The following ARHGEF3 variants were observed in gnomAD, a reference collection of about 807,000 sequenced individuals.
ARHGEF3 encodes the protein Rho guanine nucleotide exchange factor 3.
A neutral mutation model predicts 63.2 loss-of-function variants in ARHGEF3; 28 were observed. That is an observed-to-expected ratio of 0.44 (90% CI 0.33 to 0.61). The LOEUF (loss-of-function observed/expected upper bound fraction) is 0.61, where lower values mean the gene tolerates loss of function less well. Among genes scored for constraint, ARHGEF3 ranks in the 20% least tolerant of loss-of-function variants. The pLI is 0.03. For synonymous variants in ARHGEF3, 266 were observed against 254.2 expected, an observed-to-expected ratio of 1.05 and a Z score of -0.44; for missense variants, 533 against 659.3, an observed-to-expected ratio of 0.81 and a Z score of 2.10.
intron 1 of ARHGEF3, among the ~76,000 whole-genome samples, chr3:57,065,655 C>T (rs1031797181): frequency 2.0e-5 from 3 of 152,130 alleles, no homozygotes; most frequent in Admixed American, 6.5e-5. Flanking sequence ...TGTTTAATGT[C>T]TTCCAAATAC....
chr3:56,950,119 CA>C (rs1699728598), intron 3 of ARHGEF3, among the ~76,000 whole-genome samples: 1 of 151,966 alleles, frequency 6.6e-6, no homozygotes, highest in Admixed American at 6.6e-5. Flanking sequence ...ACACCTTATA[CA>C]AAAATTAATT....
At chr3:56,791,012 C>T (rs2037051711) in intron 1 of ARHGEF3, among the ~76,000 whole-genome samples, 2 of 152,012 alleles carry the variant, frequency 1.3e-5, no homozygotes, top group South Asian at 2.1e-4. Flanking sequence ...ATGGTATCTA[C>T]AGAAAGAGTG....
At chr3:56,838,398 T>G (rs2039192833) in intron 4 of ARHGEF3, among the ~76,000 whole-genome samples, 1 of 152,210 alleles carries the variant, frequency 6.6e-6, no homozygotes, top group African/African-American at 2.4e-5. Flanking sequence ...TTCTATCACT[T>G]AAATTATTAT....
intron 4 of ARHGEF3, among the ~76,000 whole-genome samples, chr3:56,853,933 C>T (rs767968583): frequency 3.3e-5 from 5 of 152,148 alleles, no homozygotes; most frequent in African/African-American, 9.7e-5. Flanking sequence ...TAGTGGCTCA[C>T]GCCTGTAATC....
chr3:56,885,121 T>C (rs1367128578), intron 3 of ARHGEF3, among the ~76,000 whole-genome samples: 1 of 152,122 alleles, frequency 6.6e-6, no homozygotes, highest in East Asian at 1.9e-4. Context: ...GTGATCACAA[T>C]CAGCAACACG....
At chr3:57,051,400 T>C (rs996836038) in intron 1 of ARHGEF3, among the ~76,000 whole-genome samples, 2 of 151,960 alleles carry the variant, frequency 1.3e-5, no homozygotes, top group African/African-American at 4.8e-5. Flanking sequence ...GGCAGGAGAA[T>C]GGCTTGAACC....
At position 56,860,818 on chromosome 3, in the gene ARHGEF3, G is replaced by A. The variant is rs1308373248; in HGVS notation, c.192+21474C>T. Reference sequence around the variant, plus strand: ...TAAAAAGATCTGCCTAATGGTTGGTGGGGGATGACGTGATTAATACGTGCC... The same window carrying A: ...TAAAAAGATCTGCCTAATGGTTGGTAGGGGATGACGTGATTAATACGTGCC... On this transcript the variant is annotated intron_variant, in intron 4 of 12. Coordinates refer to the ARHGEF3 transcript ENST00000338458. 4.6e-5 allele frequency among the ~76,000 whole-genome samples: 7 copies of A among 152,204 alleles called. No individual in the cohort carries two copies. In the East Asian group the frequency reaches 1.3e-3, roughly 29 times the overall value.
At chr3:56,971,449 C>G (rs144763472) in intron 2 of ARHGEF3, among the ~76,000 whole-genome samples, 106 of 152,238 alleles carry the variant, frequency 7.0e-4, no homozygotes, top group African/African-American at 2.5e-3. Flanking sequence ...TCAGTCTGGT[C>G]TGGAGCTGTC....
At chr3:56,893,367 T>C (rs1340066744) in intron 3 of ARHGEF3, among the ~76,000 whole-genome samples, 3 of 152,156 alleles carry the variant, frequency 2.0e-5, no homozygotes, top group Non-Finnish European at 4.4e-5. Flanking sequence ...TATGTAGAGA[T>C]AGGATCTGTT....
rs186850814 is a variant in ARHGEF3, at chr3:56,919,505, T to C, written c.130-37151A>G. ...TGACCTCTTACTGCAGAGCATGCTA[T>C]GGTATGGAAGGAAATTAACTCATTT... On this transcript the variant is annotated intron_variant, in intron 3 of 12. Transcript: ENST00000338458. 2.6e-4 allele frequency among the ~76,000 whole-genome samples: 40 copies of C among 152,362 alleles called. No individual in the cohort carries two copies. The South Asian group carries it at 3.7e-3, about 14-fold the overall frequency.
intron 3 of ARHGEF3, among the ~76,000 whole-genome samples, chr3:56,934,227 A>C (rs926298713): frequency 6.6e-6 from 1 of 152,252 alleles, no homozygotes; most frequent in Non-Finnish European, 1.5e-5. Flanking sequence ...CTGCTGAGTG[A>C]ATATAGCATA....
Position 56,845,834 on chromosome 3 carries a change from T to C in ARHGEF3, c.192+36458A>G, listed in dbSNP as rs150727440. Among the ~76,000 whole-genome samples, 1,001 of 152,222 alleles carry C rather than the reference T, an allele frequency of 6.6e-3. 7 individuals carry two copies. Among genetic ancestry groups the C allele is most frequent in the African/African-American group, 0.023 (939 of 41,534 alleles). ...CAGGTTTGTTGAATGAATAAAGAAA[T>C]GAATAAAGGTGTCTGGTAGAACACA... On this transcript the variant is annotated intron_variant, in intron 4 of 12. Coordinates refer to the ARHGEF3 transcript ENST00000338458.
At chr3:57,014,583 C>T (rs1003927160) in intron 2 of ARHGEF3, among the ~76,000 whole-genome samples, 3 of 152,052 alleles carry the variant, frequency 2.0e-5, no homozygotes, top group Admixed American at 6.5e-5. Context: ...AACTATATTT[C>T]TTTATAGTTT....
intron 3 of ARHGEF3, among the ~76,000 whole-genome samples, chr3:56,929,890 T>C (rs1226302520): frequency 6.6e-6 from 1 of 152,182 alleles, no homozygotes; most frequent in African/African-American, 2.4e-5. Flanking sequence ...GGAATAGCCC[T>C]AGATCCTCTG....
At chr3:56,889,802 T>C (rs1578769832) in intron 3 of ARHGEF3, among the ~76,000 whole-genome samples, 1 of 152,168 alleles carries the variant, frequency 6.6e-6, no homozygotes, top group Non-Finnish European at 1.5e-5. Context: ...TGGCTCATGC[T>C]TGTAATCCCA....
At chr3:56,995,620 C>CGAGGGAGAGA (rs1701941539) in intron 2 of ARHGEF3, among the ~76,000 whole-genome samples, 3 of 113,232 alleles carry the variant, frequency 2.6e-5, no homozygotes, top group Admixed American at 1.9e-4. Flanking sequence ...GTAAATTTTC[C>CGAGGGAGAGA]GAGAGAGAGA....
chr3:56,906,941 A>G (rs2041702647), intron 3 of ARHGEF3, among the ~76,000 whole-genome samples: 1 of 150,862 alleles, frequency 6.6e-6, no homozygotes, highest in Admixed American at 6.6e-5. Flanking sequence ...GTGGTTACTA[A>G]GAAACTTAAA....
intron 2 of ARHGEF3, among the ~76,000 whole-genome samples, chr3:57,030,199 A>C (rs1455425756): frequency 6.6e-6 from 1 of 152,200 alleles, no homozygotes; most frequent in Non-Finnish European, 1.5e-5. Context: ...TAGCCAATTC[A>C]GTCCACCAGA....
intron 1 of ARHGEF3, among the ~76,000 whole-genome samples, chr3:57,037,919 A>G (rs1344812260): frequency 6.6e-6 from 1 of 152,120 alleles, no homozygotes; most frequent in Non-Finnish European, 1.5e-5. Context: ...ATCACCCTTC[A>G]GCCTGTGGCT....
Sources: allele counts gnomAD v4.1 joint callset (sites outside exome capture counted in the v4.1 genomes callset), GRCh38; gene constraint gnomAD v4.1.1; transcripts MANE v1.5; gene names NCBI Gene and HGNC (gene_info 2026-07-23, HGNC 2026-07-21).